The following TBCD variants were observed in gnomAD, a reference collection of about 807,000 sequenced individuals.
The protein encoded by TBCD is tubulin-specific chaperone D.
TBCD carries 105 observed loss-of-function variants against 169.3 expected under a neutral mutation model. That is an observed-to-expected ratio of 0.62 (90% confidence interval 0.53 to 0.73). TBCD has a LOEUF of 0.73. Ranked by LOEUF, TBCD falls within the 30% of genes least tolerant of loss-of-function variation. TBCD has a pLI of 0.00. For synonymous variants in TBCD, 700 were observed against 643.9 expected (o/e 1.09, Z -1.32); for missense variants, 1,444 against 1,600.1 (o/e 0.90, Z 1.66).
intron 13 of TBCD, among the ~76,000 whole-genome samples, chr17:82,841,932 A>G (rs1423154743): frequency 1.3e-5 from 2 of 152,172 alleles, no homozygotes; most frequent in African/African-American, 4.8e-5. Flanking sequence ...AGGCCTCCCT[A>G]GCAGGGTGGT....
chr17:82,846,377 G>A (rs2055118297), intron 13 of TBCD, among the ~76,000 whole-genome samples: 1 of 151,888 alleles, frequency 6.6e-6, no homozygotes, highest in African/African-American at 2.4e-5. Context: ...TGTCCCATGT[G>A]CCGTGTCCTC....
chr17:82,916,514 G>GT (rs199992177), intron 23 of TBCD, among the ~76,000 whole-genome samples: 3,576 of 145,268 alleles, frequency 0.025, 133 homozygotes, highest in African/African-American at 0.076. Flanking sequence ...CAAAGGTGCT[G>GT]TTTTTTTTTT....
Position 82,781,673 on chromosome 17 carries a change from C to T in TBCD, c.723C>T (p.Phe241=), listed in dbSNP as rs1034610778. Reference sequence around the variant, plus strand: ...TGTGCAATCTGGCCCGTTCCTCCTTCCAGACCATGCAGGGGGTCATCACCA... The same window carrying T: ...TGTGCAATCTGGCCCGTTCCTCCTTTCAGACCATGCAGGGGGTCATCACCA... The part of the protein sequence containing the change: ...WSLCNLARSS[F]QTMQGVITMD... Residue 241 remains phenylalanine (F), a synonymous_variant, in exon 7 of 39, where the codon TTC becomes TTT. Transcript: ENST00000355528. 2.5e-6 allele frequency: 4 copies of T among 1,613,756 alleles called. No homozygotes were observed.
intron 13 of TBCD, among the ~76,000 whole-genome samples, chr17:82,834,001 A>G (rs11657931): frequency 0.47 from 70,326 of 151,086 alleles, 17,243 homozygotes; most frequent in South Asian, 0.64. Flanking sequence ...CTGGAGTGCC[A>G]TGGCGCAATC....
chr17:82,814,456 G>A (rs2051700170), intron 12 of TBCD, among the ~76,000 whole-genome samples: 2 of 152,228 alleles, frequency 1.3e-5, no homozygotes, highest in South Asian at 4.1e-4. Context: ...AGGCCCTGGG[G>A]TAGGCACGGC....
At chr17:82,827,770 T>C (rs984035433) in intron 13 of TBCD, among the ~76,000 whole-genome samples, 49 of 134,216 alleles carry the variant, frequency 3.7e-4, no homozygotes, top group Middle Eastern at 5.3e-3. Context: ...AATGCACACA[T>C]CCGCAGATAT....
chr17:82,933,813 A>T (rs920279698), intron 34 of TBCD, among the ~76,000 whole-genome samples: 4 of 151,692 alleles, frequency 2.6e-5, no homozygotes, highest in African/African-American at 9.7e-5. Context: ...GGGTTTCACC[A>T]CATTGGTCAG....
Position 82,893,560 on chromosome 17 carries a change from A to T in TBCD, c.1577A>T (p.His526Leu). ...ENVGRQGTFPHGIDILTTADY... is the reference protein window; with the variant it reads ...ENVGRQGTFPLGIDILTTADY... ...CTTTCTTATTAGGGCACTTTCCCTC[A>T]TGGTATTGATATTTTGACCACAGCT... is the stretch of plus-strand genomic sequence containing the variant. Residue 526 changes from histidine to leucine, a missense_variant, in exon 17 of 39, where the codon CAT becomes CTT. Transcript: ENST00000355528. 1 of 1,610,318 alleles carries T rather than the reference A, an allele frequency of 6.2e-7. No homozygotes were observed.
In TBCD at chr17:82,942,435, TGTCTC is replaced by T. The variant is rs752391488; in HGVS notation, c.3565-13_3565-9del. On this transcript the variant is annotated splice_polypyrimidine_tract_variant and intron_variant, in intron 38 of 38. Transcript: ENST00000355528. ...GGAGCTGACCAGCCTGAGCTTGTCT[TGTCTC>T]TTCTTCAGCCTGGTGCCTGCTGAAG... is the stretch of plus-strand genomic sequence containing the variant. The T allele has an allele frequency of 1.0e-4, 163 of 1,613,948 alleles. 1 individual carries two copies. The highest frequency in any genetic ancestry group is 4.9e-4 in the Middle Eastern group (3 of 6,062).
intron 13 of TBCD, among the ~76,000 whole-genome samples, chr17:82,823,605 C>T (rs991074368): frequency 1.3e-5 from 2 of 151,958 alleles, no homozygotes; most frequent in African/African-American, 4.8e-5. Context: ...GGCAGTGGGC[C>T]CCCGTTAAGA....
chr17:82,781,359 G>A (rs1041842345), intron 6 of TBCD, among the ~76,000 whole-genome samples: 2 of 151,920 alleles, frequency 1.3e-5, no homozygotes, highest in Non-Finnish European at 2.9e-5. Flanking sequence ...AGAGGTTGTG[G>A]TGGGGAACCG....
At position 82,941,420 on chromosome 17, in the gene TBCD, G is replaced by A; in HGVS notation, c.3501G>A (p.Val1167=). 6.3e-7 allele frequency: 1 copy of A among 1,599,564 alleles called. No individual in the cohort carries two copies. Among genetic ancestry groups the A allele is most frequent in the Non-Finnish European group, 8.5e-7 (1 of 1,176,218 alleles). ...ACAGGGACGCGGAGCTTGCAGTGGTGAGAGAGCAGCGCAACCGTCTGTGTG... is the reference window on the plus strand; with the variant it reads ...ACAGGGACGCGGAGCTTGCAGTGGTAAGAGAGCAGCGCAACCGTCTGTGTG... ...DTAWDAELAV[V]REQRNRLCDL... Residue 1167 remains valine (V), a synonymous_variant, in exon 38 of 39, where the codon GTG becomes GTA. Coordinates refer to ENST00000355528, the MANE Select transcript of TBCD (RefSeq NM_005993.5).
intron 19 of TBCD, among the ~76,000 whole-genome samples, chr17:82,905,092 C>T (rs768126489): frequency 2.6e-5 from 4 of 152,180 alleles, no homozygotes; most frequent in African/African-American, 7.2e-5. Context: ...CCTCTGCGTC[C>T]GTGAGGGTTC....
Position 82,901,379 on chromosome 17 carries a change from C to T in TBCD, c.1730+648C>T, listed in dbSNP as rs141440792. On this transcript the variant is annotated intron_variant, in intron 18 of 38. Coordinates refer to ENST00000355528, the MANE Select transcript of TBCD (RefSeq NM_005993.5). ...GGGTGGAGGTGGCTTTGTGAGGGTG[C>T]GAGTCCAGAATCTCAGTTTCAGAGT... Among the ~76,000 whole-genome samples the T allele has an allele frequency of 8.0e-3, 1,221 of 152,246 alleles. 9 individuals carry two copies. The highest frequency in any genetic ancestry group is 0.017 in the South Asian group (83 of 4,822).
At chr17:82,842,780 CTTTTT>C (rs375870095) in intron 13 of TBCD, among the ~76,000 whole-genome samples, 1 of 129,894 alleles carries the variant, frequency 7.7e-6, no homozygotes, top group Non-Finnish European at 1.6e-5. Context: ...TTCTTTCTTT[CTTTTT>C]TTTTTTTTTT....
In TBCD at chr17:82,816,743, G is replaced by A. The variant is rs939082169; in HGVS notation, c.1318+1809G>A. On this transcript the variant is annotated intron_variant, in intron 13 of 38. Coordinates refer to ENST00000355528, the MANE Select transcript of TBCD (RefSeq NM_005993.5). The stretch of plus-strand genomic sequence containing the variant: ...GTTAGAGACAGGGCTTCACCACATT[G>A]CCCAGGCTGGTCTTGAAGTCCTCAG... Among the ~76,000 whole-genome samples the A allele has an allele frequency of 6.7e-5, 10 of 149,724 alleles. No individual in the cohort carries two copies. In the Admixed American group the frequency reaches 6.7e-4, roughly 10 times the overall value.
chr17:82,791,523 G>A (rs1475002357), intron 7 of TBCD, among the ~76,000 whole-genome samples: 1 of 152,152 alleles, frequency 6.6e-6, no homozygotes, highest in African/African-American at 2.4e-5. Flanking sequence ...TGGGCAGGGG[G>A]CACACCCCAG....
At chr17:82,888,250 CTG>C (rs970346100) in intron 15 of TBCD, among the ~76,000 whole-genome samples, 100 of 152,332 alleles carry the variant, frequency 6.6e-4, no homozygotes, top group African/African-American at 2.3e-3. Context: ...CCAGCGCACA[CTG>C]TGTGACGGGC....
intron 13 of TBCD, among the ~76,000 whole-genome samples, chr17:82,865,980 C>T (rs1331786108): frequency 3.9e-5 from 6 of 152,112 alleles, no homozygotes; most frequent in Admixed American, 1.3e-4. Flanking sequence ...GTTCTATACG[C>T]GACATGCATT....
Sources: gnomAD v4.1 joint callset for allele counts (sites outside exome capture counted in the v4.1 genomes callset) on GRCh38, gnomAD v4.1.1 for gene constraint, MANE v1.5 for transcripts, NCBI Gene and HGNC (gene_info 2026-07-23, HGNC 2026-07-21) for gene names.